Variants in DDX10 observed in about 807,000 individuals in gnomAD.
The protein encoded by DDX10 is DEAD-box helicase 10, also known as probable ATP-dependent RNA helicase DDX10.
In DDX10, 74 loss-of-function variants were observed where a neutral mutation model predicts 104.3. The observed-to-expected ratio is 0.71, with a 90% CI of 0.59 to 0.86. The LOEUF is 0.86. Among genes scored for constraint, DDX10 ranks in the 40% least tolerant of loss-of-function variants. The pLI is 0.00. For synonymous variants in DDX10, 351 were observed against 353.4 expected, an observed-to-expected ratio of 0.99 and a Z score of 0.08; for missense variants, 952 against 1,040.0, an observed-to-expected ratio of 0.92 and a Z score of 1.16.
chr11:108,907,041 C>T (rs561671754), intron 16 of DDX10, among the ~76,000 whole-genome samples: 13 of 152,254 alleles, frequency 8.5e-5, no homozygotes, highest in South Asian at 4.2e-4. Flanking sequence ...AAGATCCTTC[C>T]GGTTTTGGAA....
At position 108,874,677 on chromosome 11, in the gene DDX10, C is replaced by T. The variant is rs567419535; in HGVS notation, c.2304+22468C>T. Among the ~76,000 whole-genome samples, 6 of 152,098 alleles carry T rather than the reference C, an allele frequency of 3.9e-5. No homozygotes were observed. In the South Asian group the frequency reaches 1.2e-3, roughly 32 times the overall value. On this transcript the variant is annotated intron_variant, in intron 16 of 17. Transcript: ENST00000322536. ...GACAGTTGCTTTTAGAGTGGGTGCT[C>T]TGAGATATTTGAAGGTCCTTGAGAA... is the stretch of plus-strand genomic sequence containing the variant.
At chr11:108,924,577 G>T (rs1863883341) in intron 17 of DDX10, among the ~76,000 whole-genome samples, 1 of 152,100 alleles carries the variant, frequency 6.6e-6, no homozygotes, top group Admixed American at 6.5e-5. Flanking sequence ...CTAAAAATCT[G>T]TTCCATATTC....
intron 13 of DDX10, among the ~76,000 whole-genome samples, chr11:108,781,375 G>C (rs929361180): frequency 2.0e-5 from 3 of 152,122 alleles, no homozygotes; most frequent in African/African-American, 7.2e-5. Context: ...ACATGTGAGT[G>C]CATGTGTCTT....
intron 13 of DDX10, among the ~76,000 whole-genome samples, chr11:108,756,045 C>T (rs991222130): frequency 6.6e-6 from 1 of 151,912 alleles, no homozygotes; most frequent in South Asian, 2.1e-4. Context: ...ATTCCAAAGT[C>T]ATGTGTCATG....
At chr11:108,934,652 G>A (rs1864014429) in intron 17 of DDX10, among the ~76,000 whole-genome samples, 1 of 152,130 alleles carries the variant, frequency 6.6e-6, no homozygotes. Flanking sequence ...TTAGATGATT[G>A]CTGATTACAT....
intron 17 of DDX10, among the ~76,000 whole-genome samples, chr11:108,932,723 A>C (rs1863989593): frequency 6.6e-6 from 1 of 152,080 alleles, no homozygotes; most frequent in African/African-American, 2.4e-5. Context: ...AAAGAAAACA[A>C]AAGTTATGAG....
At chr11:108,738,469 TA>T (rs1384518786) in intron 13 of DDX10, among the ~76,000 whole-genome samples, 4 of 152,046 alleles carry the variant, frequency 2.6e-5, no homozygotes, top group South Asian at 4.2e-4. Context: ...CTCTCTTTCC[TA>T]AAAAGGAGGG....
At chr11:108,823,118 GT>G (rs1310044535) in intron 13 of DDX10, among the ~76,000 whole-genome samples, 1 of 152,036 alleles carries the variant, frequency 6.6e-6, no homozygotes, top group African/African-American at 2.4e-5. Flanking sequence ...TAATTCCAGT[GT>G]TTTTTTAAAA....
intron 16 of DDX10, among the ~76,000 whole-genome samples, chr11:108,854,809 T>A (rs1196198854): frequency 6.6e-6 from 1 of 152,122 alleles, no homozygotes; most frequent in African/African-American, 2.4e-5. Context: ...GAAAACTTAA[T>A]GATAATGTGA....
chr11:108,815,346 C>G (rs1023180774), intron 13 of DDX10, among the ~76,000 whole-genome samples: 1 of 151,782 alleles, frequency 6.6e-6, no homozygotes, highest in Non-Finnish European at 1.5e-5. Flanking sequence ...TGAGTAAATA[C>G]AGTCATCCCT....
chr11:108,792,742 C>T (rs565658413), intron 13 of DDX10, among the ~76,000 whole-genome samples: 5 of 151,814 alleles, frequency 3.3e-5, no homozygotes, highest in African/African-American at 7.3e-5. Context: ...GTTCTTTTCA[C>T]GTCCGTATAT....
At chr11:108,784,648 TTACTC>T (rs1462576077) in intron 13 of DDX10, among the ~76,000 whole-genome samples, 5 of 152,346 alleles carry the variant, frequency 3.3e-5, no homozygotes, top group East Asian at 1.9e-4. Context: ...TGTAGGCTGT[TTACTC>T]TGTTGGGAAT....
chr11:108,766,178 A>T (rs576389145), intron 13 of DDX10, among the ~76,000 whole-genome samples: 4 of 152,160 alleles, frequency 2.6e-5, no homozygotes, highest in South Asian at 4.2e-4. Context: ...TGAAAGCATA[A>T]TTTTTTTGTT....
rs2094300224 is a variant in DDX10 at position 108,722,997 on chromosome 11, G to A, written c.1500G>A (p.Leu500=). ...VSKLPIPEYA[L]SLGLAVAPRV... is the part of the protein sequence containing the mutation. Reference sequence around the variant, plus strand: ...GTTTTCACGTTTTTCCATATTTAAGGTCTCTTGGTCTTGCTGTGGCACCAC... The same window carrying A: ...GTTTTCACGTTTTTCCATATTTAAGATCTCTTGGTCTTGCTGTGGCACCAC... The change falls in exon 13 of 18, where the codon CTG becomes CTA. Residue 500 remains leucine (L), a splice_region_variant and synonymous_variant. Coordinates refer to ENST00000322536, the MANE Select transcript of DDX10 (RefSeq NM_004398.4). 5 of 1,595,524 alleles carry A rather than the reference G, an allele frequency of 3.1e-6. No homozygotes were observed. In the African/African-American group the frequency reaches 5.4e-5, roughly 17 times the overall value.
intron 13 of DDX10, among the ~76,000 whole-genome samples, chr11:108,749,162 G>A (rs999132795): frequency 4.6e-5 from 7 of 151,642 alleles, no homozygotes; most frequent in Admixed American, 2.6e-4. Context: ...GGCCTCCCAA[G>A]CTGCTGGGAT....
intron 13 of DDX10, among the ~76,000 whole-genome samples, chr11:108,792,374 C>T (rs906726511): frequency 1.1e-4 from 16 of 152,080 alleles, no homozygotes; most frequent in East Asian, 1.9e-4. Flanking sequence ...TTGTTCTGCG[C>T]GCTTTCTAAT....
At chr11:108,913,436 T>C (rs1173469830) in intron 16 of DDX10, among the ~76,000 whole-genome samples, 2 of 152,038 alleles carry the variant, frequency 1.3e-5, no homozygotes, top group African/African-American at 4.8e-5. Flanking sequence ...AGTGAAACAA[T>C]AGGGCAGAGG....
chr11:108,747,159 C>T (rs549909305), intron 13 of DDX10, among the ~76,000 whole-genome samples: 1 of 152,030 alleles, frequency 6.6e-6, no homozygotes, highest in African/African-American at 2.4e-5. Flanking sequence ...TTAAGAGGCC[C>T]AGTATATGAA....
intron 9 of DDX10, among the ~76,000 whole-genome samples, chr11:108,702,996 T>C (rs1377761545): frequency 6.6e-6 from 1 of 152,222 alleles, no homozygotes; most frequent in African/African-American, 2.4e-5. Flanking sequence ...AAATATAGTA[T>C]TGATATTGAT....
Sources: allele counts gnomAD v4.1 joint callset (sites outside exome capture counted in the v4.1 genomes callset), GRCh38; gene constraint gnomAD v4.1.1; transcripts MANE v1.5; gene names NCBI Gene and HGNC (gene_info 2026-07-23, HGNC 2026-07-21).